The following ZFP91 variants were observed in gnomAD, a reference collection of about 807,000 sequenced individuals.
ZFP91 encodes the protein ZFP91 zinc finger protein, atypical E3 ubiquitin ligase, also known as E3 ubiquitin-protein ligase ZFP91.
A neutral mutation model predicts 63.5 loss-of-function variants in ZFP91; 7 were observed. The observed-to-expected ratio is 0.11, with a 90% CI of 0.06 to 0.21. The LOEUF is 0.21. ZFP91 is among the 10% of genes least tolerant of loss of function. ZFP91 has a pLI of 1.00. For missense variants in ZFP91, 628 were observed against 736.6 expected (o/e 0.85, Z 1.71); for synonymous variants, 330 against 272.1 (o/e 1.21, Z -2.10).
intron 2 of ZFP91, among the ~76,000 whole-genome samples, chr11:58,591,441 T>C (rs137927240): frequency 6.6e-6 from 1 of 152,308 alleles, no homozygotes; most frequent in African/African-American, 2.4e-5. Flanking sequence ...TATAGTGTTA[T>C]TGGGATGTAA....
At chr11:58,604,528 C>T (rs1395046454) in intron 2 of ZFP91, among the ~76,000 whole-genome samples, 1 of 152,120 alleles carries the variant, frequency 6.6e-6, no homozygotes, top group Middle Eastern at 3.2e-3. Flanking sequence ...GGTAGAGCAG[C>T]CCTGGTAGAC....
chr11:58,609,869 T>C lies in ZFP91; in HGVS notation c.410T>C (p.Leu137Pro), dbSNP rs760882260. ...AAAGAGGAAGAAGACGATTCTGCCCTCCCTCAGGAAGTTTCCATTGCTGCA... is the reference window on the plus strand; with the variant it reads ...AAAGAGGAAGAAGACGATTCTGCCCCCCCTCAGGAAGTTTCCATTGCTGCA... ...EEKEEEDDSA[L>P]PQEVSIAASR... The change falls in exon 3 of 11, where the codon CTC (leucine) becomes CCC (proline). Residue 137 changes from leucine to proline, a missense_variant. Leu to Pro is a moderately conservative substitution (Grantham distance 98, BLOSUM62 -3). Coordinates refer to ENST00000316059, the MANE Select transcript of ZFP91 (RefSeq NM_053023.5). 2 of 1,614,202 alleles carry C rather than the reference T, an allele frequency of 1.2e-6. No homozygotes were observed. Among genetic ancestry groups the C allele is most frequent in the Non-Finnish European group, 1.7e-6 (2 of 1,180,018 alleles).
At chr11:58,592,772 T>C (rs1036865718) in intron 2 of ZFP91, among the ~76,000 whole-genome samples, 3 of 152,188 alleles carry the variant, frequency 2.0e-5, no homozygotes, top group Non-Finnish European at 4.4e-5. Context: ...TTAGTCCCTT[T>C]TGAGTTGCTA....
chr11:58,612,577 C>A, intron 7 of ZFP91, 185 bp from the exon 8 acceptor site: 1 of 624,230 alleles, frequency 1.6e-6, no homozygotes, highest in Non-Finnish European at 2.8e-6. Flanking sequence ...TTAATTCTGT[C>A]AAATATTTGC....
intron 9 of ZFP91, 125 bp downstream of exon 9, chr11:58,614,468 G>T: frequency 5.9e-6 from 4 of 681,534 alleles, no homozygotes; most frequent in African/African-American, 3.7e-5. Flanking sequence ...GGGAAAAGGT[G>T]TGAAAATAAA....
At chr11:58,587,968 TTAGA>T (rs1310296625) in intron 2 of ZFP91, among the ~76,000 whole-genome samples, 8 of 152,166 alleles carry the variant, frequency 5.3e-5, no homozygotes, top group Admixed American at 5.2e-4. Flanking sequence ...GTTATTAATG[TTAGA>T]TAGGTTATTT....
rs1855763733 is a variant in ZFP91, at chr11:58,617,167, T to A, written c.1203-29T>A. On this transcript the variant is annotated intron_variant, in intron 10 of 10. Coordinates refer to ENST00000316059, the MANE Select transcript of ZFP91 (RefSeq NM_053023.5). This position sits in a 1 kb window ranked among gnomAD's most constrained non-coding sequence, Gnocchi z 4.2. ...GAGCACTCTTTATTTCTCTGTTGGA[T>A]CAGCCATTTCCTTTTCTCCTCTCCT... is the stretch of plus-strand genomic sequence containing the variant. 6.5e-7 allele frequency: 1 copy of A among 1,539,436 alleles called. No homozygotes were observed. Among genetic ancestry groups the A allele is most frequent in the Non-Finnish European group, 8.7e-7 (1 of 1,147,926 alleles).
rs545537100 is a variant in ZFP91, at chr11:58,617,115, C to T, written c.1203-81C>T. On this transcript the variant is annotated intron_variant, in intron 10 of 10. Transcript: ENST00000316059. This position sits in a 1 kb window ranked among gnomAD's most constrained non-coding sequence, Gnocchi z 4.2. ...GTGTGTGTGTATGTATATATATGCT[C>T]TAAACTCTAACCCTGATCCTGAATA... 7.5e-7 allele frequency: 1 copy of T among 1,333,090 alleles called. No individual in the cohort carries two copies. The highest frequency in any genetic ancestry group is 1.0e-6 in the Non-Finnish European group (1 of 985,734). The allele number at this position is 1,333,090 out of a possible 1,614,324, so 82.6% of individuals were successfully genotyped here. A position where few individuals can be genotyped will look rare whatever the true frequency, so the allele number is the denominator to read the frequency against.
At chr11:58,595,161 T>A (rs188735397) in intron 2 of ZFP91, among the ~76,000 whole-genome samples, 1 of 152,350 alleles carries the variant, frequency 6.6e-6, no homozygotes, top group East Asian at 1.9e-4. Context: ...TTACTTGGTT[T>A]CTTCATCTAT....
chr11:58,617,222 G>T lies in ZFP91; in HGVS notation c.1229G>T (p.Arg410Leu). 6.3e-7 allele frequency: 1 copy of T among 1,599,414 alleles called. No individual in the cohort carries two copies. The highest frequency in any genetic ancestry group is 1.1e-5 in the South Asian group (1 of 88,650). ...TGTGAGATCTGTGGATTTACTTGTC[G>T]ACAAAAGGCATCTCTTAATTGGCAC... ...LQCEICGFTC[R>L]QKASLNWHMK... The change falls in exon 11 of 11, where the codon CGA (arginine) becomes CTA (leucine). Residue 410 changes from arginine to leucine, a missense_variant. Arg to Leu is a moderately radical substitution (Grantham distance 102). Coordinates refer to ENST00000316059, the MANE Select transcript of ZFP91 (RefSeq NM_053023.5). The surrounding 1 kb of genome is among the most constrained non-coding windows in gnomAD (Gnocchi z 4.2).
At chr11:58,589,438 C>G (rs1053931875) in intron 2 of ZFP91, among the ~76,000 whole-genome samples, 9 of 151,998 alleles carry the variant, frequency 5.9e-5, no homozygotes, top group African/African-American at 2.2e-4. Flanking sequence ...AAGTTAAAAA[C>G]AACAACAACA....
At chr11:58,607,520 A>G (rs1487363939) in intron 2 of ZFP91, among the ~76,000 whole-genome samples, 1 of 152,156 alleles carries the variant, frequency 6.6e-6, no homozygotes, top group Non-Finnish European at 1.5e-5. Context: ...GCAATAATGA[A>G]TGGAAAAAGA....
intron 2 of ZFP91, among the ~76,000 whole-genome samples, chr11:58,603,928 T>A (rs1016845065): frequency 6.6e-6 from 1 of 152,168 alleles, no homozygotes; most frequent in Non-Finnish European, 1.5e-5. Flanking sequence ...ATACCCCCAG[T>A]CTCATTCATA....
At chr11:58,597,338 C>G (rs1231264847) in intron 2 of ZFP91, among the ~76,000 whole-genome samples, 1 of 152,138 alleles carries the variant, frequency 6.6e-6, no homozygotes, top group African/African-American at 2.4e-5. Flanking sequence ...CCCCACCTTA[C>G]TAATATAATA....
At chr11:58,605,775 G>T (rs182005357) in intron 2 of ZFP91, among the ~76,000 whole-genome samples, 1 of 152,090 alleles carries the variant, frequency 6.6e-6, no homozygotes. Context: ...GTTAGGTAAA[G>T]TTCTTGTTTG....
chr11:58,600,471 A>G (rs1855475337), intron 2 of ZFP91, among the ~76,000 whole-genome samples: 2 of 152,088 alleles, frequency 1.3e-5, no homozygotes, highest in South Asian at 4.1e-4. Flanking sequence ...TTCATTGCTA[A>G]TATGCTTAAA....
At chr11:58,602,178 C>T (rs1855501285) in intron 2 of ZFP91, among the ~76,000 whole-genome samples, 1 of 152,216 alleles carries the variant, frequency 6.6e-6, no homozygotes, top group African/African-American at 2.4e-5. Context: ...CTGCCTCAGC[C>T]TCCCAAAGTG....
intron 2 of ZFP91, among the ~76,000 whole-genome samples, chr11:58,608,537 A>G (rs1250142012): frequency 6.6e-6 from 1 of 152,128 alleles, no homozygotes; most frequent in African/African-American, 2.4e-5. Context: ...TACATGAAAA[A>G]TGGTGTCATG....
At chr11:58,602,801 G>A (rs566223287) in intron 2 of ZFP91, among the ~76,000 whole-genome samples, 2 of 152,298 alleles carry the variant, frequency 1.3e-5, no homozygotes, top group East Asian at 3.9e-4. Context: ...GCATAGCTTT[G>A]GGATTGGGTA....
Sources: allele counts gnomAD v4.1 joint callset (sites outside exome capture counted in the v4.1 genomes callset), GRCh38; gene constraint gnomAD v4.1.1; non-coding constraint Gnocchi (gnomAD v3.1); transcripts MANE v1.5; gene names NCBI Gene and HGNC (gene_info 2026-07-23, HGNC 2026-07-21).